Variants in SGCD observed in about 807,000 individuals in gnomAD.
SGCD encodes delta-sarcoglycan.
SGCD carries 18 observed loss-of-function variants against 36.6 expected under a neutral mutation model. That is an observed-to-expected ratio of 0.49 (90% CI 0.34 to 0.73). The LOEUF is 0.73. Ranked by LOEUF, SGCD falls within the 30% of genes least tolerant of loss-of-function variation. The pLI, the probability that SGCD is intolerant of heterozygous loss-of-function variation, is 0.01. For missense variants in SGCD, 387 were observed against 346.7 expected (o/e 1.12, Z -0.92); for synonymous variants, 133 against 130.6 (o/e 1.02, Z -0.12).
intron 2 of SGCD, among the ~76,000 whole-genome samples, chr5:156,120,045 A>G (rs140430956): frequency 1.2e-4 from 18 of 152,266 alleles, no homozygotes; most frequent in African/African-American, 4.3e-4. Context: ...TTCCTAGTAT[A>G]TACTTTCTCA....
At chr5:156,312,768 A>G (rs1403517390) in intron 3 of SGCD, among the ~76,000 whole-genome samples, 1 of 152,164 alleles carries the variant, frequency 6.6e-6, no homozygotes, top group Non-Finnish European at 1.5e-5. Context: ...ATACATGAAA[A>G]GCATTTAACA....
intron 7 of SGCD, among the ~76,000 whole-genome samples, chr5:156,717,815 T>C (rs1755296140): frequency 6.6e-6 from 1 of 151,544 alleles, no homozygotes; most frequent in Non-Finnish European, 1.5e-5. Context: ...CTTTGCTTGG[T>C]CTCTCCATGG....
chr5:155,870,676 T>C (rs1755614002), intron 1 of SGCD, among the ~76,000 whole-genome samples: 1 of 152,200 alleles, frequency 6.6e-6, no homozygotes, highest in South Asian at 2.1e-4. Context: ...ATACCAACTC[T>C]TTAGACTCCT....
Position 156,186,801 on chromosome 5 carries a change from A to G in SGCD, c.-44+62782A>G, listed in dbSNP as rs895030501. On this transcript the variant is annotated intron_variant, in intron 3 of 9. Coordinates refer to the SGCD transcript ENST00000517913. Reference sequence around the variant, plus strand: ...TCTGTTCACTCCTTGCCTCCCCTTTACTTTTCCTCCCAATAAGGAATTTTT... The same window carrying G: ...TCTGTTCACTCCTTGCCTCCCCTTTGCTTTTCCTCCCAATAAGGAATTTTT... 7.2e-5 allele frequency among the ~76,000 whole-genome samples: 11 copies of G among 152,004 alleles called. 1 individual carries two copies. The highest frequency in any genetic ancestry group is 1.6e-4 in the Non-Finnish European group (11 of 67,998).
At chr5:156,420,222 T>C (rs1466302368) in intron 3 of SGCD, among the ~76,000 whole-genome samples, 2 of 152,152 alleles carry the variant, frequency 1.3e-5, no homozygotes, top group Non-Finnish European at 2.9e-5. Flanking sequence ...TTTAGAACAC[T>C]GATGGAGCTC....
At chr5:156,528,274 A>G (rs1581121313) in intron 4 of SGCD, among the ~76,000 whole-genome samples, 2 of 152,332 alleles carry the variant, frequency 1.3e-5, no homozygotes, top group Non-Finnish European at 1.5e-5. Flanking sequence ...GCACTATCTC[A>G]TAAGATTATT....
intron 3 of SGCD, among the ~76,000 whole-genome samples, chr5:156,224,805 T>A (rs1409614413): frequency 6.6e-6 from 1 of 152,150 alleles, no homozygotes; most frequent in Non-Finnish European, 1.5e-5. Flanking sequence ...TCATTAAATG[T>A]AATTCATAGG....
chr5:156,647,293 A>G (rs1763264425), intron 6 of SGCD, among the ~76,000 whole-genome samples, 171 bp from the exon 7 acceptor site: 1 of 152,188 alleles, frequency 6.6e-6, no homozygotes, highest in Non-Finnish European at 1.5e-5. Flanking sequence ...GGCTGTTTGC[A>G]TGAGTGATTC....
intron 3 of SGCD, among the ~76,000 whole-genome samples, chr5:156,303,583 C>G (rs751407397): frequency 6.6e-6 from 1 of 151,182 alleles, no homozygotes. Context: ...TGTACTGGGT[C>G]ACACCTGAAG....
rs148368255 is a variant in SGCD, at chr5:156,740,153, A to G, written c.576-17428A>G. Among the ~76,000 whole-genome samples the G allele has an allele frequency of 1.8e-4, 28 of 152,362 alleles. No individual in the cohort carries two copies. In the East Asian group the frequency reaches 5.4e-3, roughly 29 times the overall value. ...AACTAATTGGACCATGGAGTTGAAC[A>G]TGATGGTAGCCAATATCATGTTCTT... On this transcript the variant is annotated intron_variant, in intron 7 of 8. Coordinates refer to ENST00000337851, the MANE Select transcript of SGCD (RefSeq NM_000337.6).
chr5:156,739,739 G>C (rs2113071874), intron 7 of SGCD: 1 of 152,240 alleles, frequency 6.6e-6, no homozygotes, highest in African/African-American at 2.4e-5. Context: ...TCAGAACCAT[G>C]GATTATTACG....
intron 3 of SGCD, among the ~76,000 whole-genome samples, chr5:156,210,461 C>G (rs1355540913): frequency 6.6e-6 from 1 of 151,712 alleles, no homozygotes; most frequent in Non-Finnish European, 1.5e-5. Flanking sequence ...GTAGCTGACC[C>G]CTAAGAAATA....
intron 3 of SGCD, among the ~76,000 whole-genome samples, chr5:156,160,925 G>T (rs1033076396): frequency 1.3e-5 from 2 of 151,640 alleles, no homozygotes; most frequent in African/African-American, 2.4e-5. Flanking sequence ...GTAGCACAAG[G>T]CCTCTGTCAG....
In SGCD at chr5:155,942,334, G is replaced by GTATGTATC. The variant is rs779514666; in HGVS notation, c.-282+71913_-282+71914insGTATCTAT. On this transcript the variant is annotated intron_variant, in intron 1 of 9. Transcript: ENST00000517913. ...TGTATGTATGTATGTATGTATGTATGTATCTATCTATCTATCTATCTATCT... is the reference window on the plus strand; with the variant it reads ...TGTATGTATGTATGTATGTATGTATGTATGTATCTATCTATCTATCTATCTATCTATCT... Among the ~76,000 whole-genome samples, 570 of 138,486 alleles carry GTATGTATC rather than the reference G, an allele frequency of 4.1e-3. 4 individuals carry two copies. The highest frequency in any genetic ancestry group is 0.011 in the Middle Eastern group (3 of 278). The allele number at this position is 138,486 out of a possible 152,430, so 90.9% of individuals were successfully genotyped here.
chr5:156,423,132 A>G (rs2127779545), intron 3 of SGCD, among the ~76,000 whole-genome samples: 1 of 100,448 alleles, frequency 1.0e-5, no homozygotes, highest in South Asian at 3.3e-4. Context: ...TTAATTAATT[A>G]ATAATTAATA....
At position 155,961,899 on chromosome 5, in the gene SGCD, A is replaced by G. The variant is rs190243676; in HGVS notation, c.-282+91475A>G. Among the ~76,000 whole-genome samples the G allele has an allele frequency of 4.5e-4, 69 of 152,252 alleles. No individual in the cohort carries two copies. The East Asian group carries it at 0.012, about 26-fold the overall frequency. On this transcript the variant is annotated intron_variant, in intron 1 of 9. Coordinates refer to the SGCD transcript ENST00000517913. ...TTCTGCGTAGATATTTGGTAAGTAC[A>G]TATGATGAAAAATTCATGCAGGTTG...
intron 7 of SGCD, among the ~76,000 whole-genome samples, chr5:156,692,432 G>C (rs532046780): frequency 1.3e-5 from 2 of 152,130 alleles, no homozygotes; most frequent in African/African-American, 4.8e-5. Flanking sequence ...TAGATTTTGC[G>C]CCAGCTGAAG....
In SGCD at chr5:156,068,899, T is replaced by G. The variant is rs1410817740; in HGVS notation, c.-281-48979T>G. Among the ~76,000 whole-genome samples, 9 of 152,156 alleles carry G rather than the reference T, an allele frequency of 5.9e-5. No individual in the cohort carries two copies. The South Asian group carries it at 1.7e-3, about 28-fold the overall frequency. On this transcript the variant is annotated intron_variant, in intron 1 of 9. Coordinates refer to the SGCD transcript ENST00000517913. ...TGATGGTGAGCATTTTTTCATGTGT[T>G]TTTTGGCTGCGTAAATGTCTTCTTT... is the stretch of plus-strand genomic sequence containing the variant.
intron 6 of SGCD, among the ~76,000 whole-genome samples, chr5:156,636,735 G>A (rs1436579292): frequency 6.6e-6 from 1 of 152,184 alleles, no homozygotes; most frequent in Non-Finnish European, 1.5e-5. Flanking sequence ...AGGTACCTCA[G>A]TACATGAGAG....
Sources: allele counts gnomAD v4.1 joint callset (sites outside exome capture counted in the v4.1 genomes callset), GRCh38; gene constraint gnomAD v4.1.1; transcripts MANE v1.5; gene names NCBI Gene and HGNC (gene_info 2026-07-23, HGNC 2026-07-21).